Variants in ENPP2 observed in about 807,000 individuals in gnomAD.
ENPP2 encodes autotaxin.
In ENPP2, 51 loss-of-function variants were observed where a neutral mutation model predicts 120.2. The observed-to-expected ratio is 0.42, with a 90% CI of 0.34 to 0.54. The LOEUF (loss-of-function observed/expected upper bound fraction) is 0.54, where lower values mean the gene tolerates loss of function less well. Ranked by LOEUF, ENPP2 falls within the 20% of genes least tolerant of loss-of-function variation. The pLI is 0.04. For synonymous variants in ENPP2, 365 were observed against 366.4 expected (o/e 1.00, Z 0.04); for missense variants, 920 against 1,066.5 (o/e 0.86, Z 1.91).
In ENPP2 at chr8:119,621,502, T is replaced by G. The variant is rs928057326; in HGVS notation, c.310A>C (p.Thr104Pro). The G allele has an allele frequency of 6.2e-7, 1 of 1,613,384 alleles. No homozygotes were observed. Among genetic ancestry groups the G allele is most frequent in the African/African-American group, 1.3e-5 (1 of 74,920 alleles). ...CTGACTTCTCCACATCTGTCCTTAGTACACTCCCAGCCACGGGCTAAAATC... is the reference window on the plus strand; with the variant it reads ...CTGACTTCTCCACATCTGTCCTTAGGACACTCCCAGCCACGGGCTAAAATC... ...CLKTARGWEC[T>P]KDRCGEVRNE... The change falls in exon 4 of 25, where the codon ACT (threonine) becomes CCT (proline). Residue 104 changes from threonine to proline, a missense_variant. By Grantham distance (38) the Thr-to-Pro change is conservative (BLOSUM62 -1). Coordinates refer to ENST00000075322, the MANE Select transcript of ENPP2 (RefSeq NM_001040092.3).
At chr8:119,663,129 A>G (rs1563780751) in intron 1 of ENPP2, among the ~76,000 whole-genome samples, 2 of 151,786 alleles carry the variant, frequency 1.3e-5, no homozygotes, top group Admixed American at 1.3e-4. Flanking sequence ...CAAAAAAAAA[A>G]AAAAAAAGAA....
chr8:119,603,251 C>T lies in ENPP2; in HGVS notation c.834-1789G>A, dbSNP rs183534797. Among the ~76,000 whole-genome samples the T allele has an allele frequency of 2.6e-5, 4 of 151,948 alleles. No individual in the cohort carries two copies. The East Asian group carries it at 5.8e-4, about 22-fold the overall frequency. The stretch of plus-strand genomic sequence containing the variant: ...TAAAAAAAAAAAGTGAATGCCAGAG[C>T]CTTTTCATTATACTTTATTTCACTA... On this transcript the variant is annotated intron_variant, in intron 9 of 24. Coordinates refer to ENST00000075322, the MANE Select transcript of ENPP2 (RefSeq NM_001040092.3).
intron 1 of ENPP2, among the ~76,000 whole-genome samples, chr8:119,668,429 C>CTTTTTTTTTTTTTT (rs5894492): frequency 1.8e-5 from 2 of 110,548 alleles, no homozygotes; most frequent in African/African-American, 3.4e-5. Context: ...TTTTCTTTTT[C>CTTTTTTTTTTTTTT]TTTTTTTTTT....
At chr8:119,672,366 G>A (rs1212040127) in intron 1 of ENPP2, among the ~76,000 whole-genome samples, 1 of 152,192 alleles carries the variant, frequency 6.6e-6, no homozygotes, top group African/African-American at 2.4e-5. Context: ...CTGGGCACTA[G>A]AGCGGCTTTT....
chr8:119,619,100 A>G (rs1815694314), intron 5 of ENPP2, 144 bp downstream of exon 5: 1 of 630,520 alleles, frequency 1.6e-6, no homozygotes, highest in Non-Finnish European at 2.8e-6. Context: ...CTTTCGACTC[A>G]TGAATTACTC....
intron 19 of ENPP2, chr8:119,572,037 C>T: frequency 1.6e-6 from 1 of 628,908 alleles, no homozygotes; most frequent in Non-Finnish European, 2.7e-6. Flanking sequence ...TTTGGGGACC[C>T]ACCCCTAAGG....
rs1812816283 is a variant in ENPP2, at chr8:119,582,484, T to C, written c.1662A>G (p.Pro554=). The C allele has an allele frequency of 6.2e-7, 1 of 1,613,972 alleles. No homozygotes were observed. ...AATCAGACTGAAGGTACATAATCCC[T>C]GGATAATTGGGTCTGGTAACTTCCT... is the stretch of plus-strand genomic sequence containing the variant. ...MPEEVTRPNY[P]GIMYLQSDFD... is the part of the protein sequence containing the mutation. The change falls in exon 18 of 25, where the codon CCA becomes CCG. Residue 554 remains proline, a synonymous_variant. Transcript: ENST00000075322.
rs112337830 is a variant in ENPP2, at chr8:119,585,822, C to T, written c.1367+364G>A. Reference sequence around the variant, plus strand: ...TTGCTACAAGCAAAGTCTCAACAACCGAGATCAAATCAGCCCAATATACTA... The same window carrying T: ...TTGCTACAAGCAAAGTCTCAACAACTGAGATCAAATCAGCCCAATATACTA... On this transcript the variant is annotated intron_variant, in intron 15 of 24. Coordinates refer to ENST00000075322, the MANE Select transcript of ENPP2 (RefSeq NM_001040092.3). 6.6e-5 allele frequency among the ~76,000 whole-genome samples: 10 copies of T among 151,922 alleles called. 1 individual carries two copies. The highest frequency in any genetic ancestry group is 4.2e-4 in the South Asian group (2 of 4,804).
chr8:119,585,380 T>A (rs1347204581), intron 15 of ENPP2, among the ~76,000 whole-genome samples: 1 of 152,244 alleles, frequency 6.6e-6, no homozygotes, highest in East Asian at 1.9e-4. Context: ...GATACAAGTT[T>A]CTAGAGTTCT....
intron 1 of ENPP2, among the ~76,000 whole-genome samples, chr8:119,659,331 A>C (rs868694723): frequency 6.6e-6 from 1 of 150,436 alleles, no homozygotes; most frequent in South Asian, 2.1e-4. Context: ...AAAAAAAAAA[A>C]AAAAAACCAG....
chr8:119,592,951 C>T, intron 12 of ENPP2: 1 of 977,608 alleles, frequency 1.0e-6, no homozygotes, highest in Non-Finnish European at 1.2e-6. Flanking sequence ...GCCAAAGAGT[C>T]AGCCAATTTT....
intron 7 of ENPP2, among the ~76,000 whole-genome samples, chr8:119,616,738 C>G (rs968504112): frequency 1.3e-5 from 2 of 152,004 alleles, no homozygotes; most frequent in Admixed American, 6.5e-5. Flanking sequence ...ATACACTTTT[C>G]TTTCTTTCTA....
chr8:119,644,783 G>C (rs1244606720), intron 1 of ENPP2, among the ~76,000 whole-genome samples: 1 of 150,836 alleles, frequency 6.6e-6, no homozygotes, highest in East Asian at 2.0e-4. Context: ...CCTAACTCTA[G>C]CTCATAATAA....
intron 8 of ENPP2, among the ~76,000 whole-genome samples, chr8:119,610,786 C>T (rs1240471508): frequency 6.6e-6 from 1 of 151,834 alleles, no homozygotes. Flanking sequence ...ACCTGTAATC[C>T]CAGCTACTCA....
intron 22 of ENPP2, 61 bp downstream of exon 22, chr8:119,568,114 G>T: frequency 1.2e-6 from 1 of 865,930 alleles, no homozygotes; most frequent in Non-Finnish European, 2.0e-6. Flanking sequence ...AAAGGTAAGG[G>T]GTAAATTTAG....
At chr8:119,608,000 C>T (rs1814839942) in intron 8 of ENPP2, 23 bp from the exon 9 acceptor site, 1 of 1,565,484 alleles carries the variant, frequency 6.4e-7, no homozygotes, top group Non-Finnish European at 8.7e-7. Context: ...ATATAAGCGG[C>T]TTAAAATGTG....
chr8:119,644,164 AT>A (rs1364919459), intron 1 of ENPP2, among the ~76,000 whole-genome samples: 4 of 152,098 alleles, frequency 2.6e-5, no homozygotes, highest in African/African-American at 9.7e-5. Flanking sequence ...GCTTAATCAG[AT>A]TTTGAAGCAT....
chr8:119,561,954 C>T (rs760716006), intron 24 of ENPP2, among the ~76,000 whole-genome samples: 11 of 151,850 alleles, frequency 7.2e-5, no homozygotes, highest in Admixed American at 3.3e-4. Context: ...CTGGCTAACA[C>T]GGTGGAACCC....
intron 11 of ENPP2, among the ~76,000 whole-genome samples, chr8:119,598,945 AG>A (rs1036623108): frequency 2.0e-4 from 30 of 152,316 alleles, no homozygotes; most frequent in African/African-American, 6.7e-4. Flanking sequence ...AGGTTCTTTG[AG>A]GGGATGCTAT....
Sources: allele counts gnomAD v4.1 joint callset (sites outside exome capture counted in the v4.1 genomes callset), GRCh38; gene constraint gnomAD v4.1.1; transcripts MANE v1.5; gene names NCBI Gene and HGNC (gene_info 2026-07-23, HGNC 2026-07-21).